IDH3G: variants seen among roughly 807,000 people sequenced by gnomAD.
The protein encoded by IDH3G is isocitrate dehydrogenase (NAD(+)) 3 non-catalytic subunit gamma.
A neutral mutation model predicts 26.9 loss-of-function variants in IDH3G; 9 were observed. That is an observed-to-expected ratio of 0.34 (90% CI 0.20 to 0.58). The LOEUF is 0.58. Ranked by LOEUF, IDH3G falls within the 20% of genes least tolerant of loss-of-function variation. The probability of loss-of-function intolerance (pLI) is 0.85; values close to 1 mark genes in which losing one functional copy is unlikely to be tolerated. For synonymous variants in IDH3G, 181 were observed against 160.0 expected, an observed-to-expected ratio of 1.13 and a Z score of -0.99; for missense variants, 250 against 372.8, an observed-to-expected ratio of 0.67 and a Z score of 2.71.
chrX:153,790,787 C>G lies in IDH3G; in HGVS notation c.123+23G>C, dbSNP rs370204315. ...GCGGCCACATGGAGAAAGACACATG[C>G]GTGGGCACGGGCAGGTACTTACTGA... On this transcript the variant is annotated intron_variant, in intron 2 of 12. Coordinates refer to ENST00000217901, the MANE Select transcript of IDH3G (RefSeq NM_004135.4). 5.8e-6 allele frequency: 7 copies of G among 1,204,628 alleles called. No homozygotes were observed. The African/African-American group carries it at 1.0e-4, about 18-fold the overall frequency.
Position 153,790,594 on chromosome X carries a change from G to A in IDH3G, c.124-19C>T, listed in dbSNP as rs1190424536. On this transcript the variant is annotated intron_variant, in intron 2 of 12. Transcript: ENST00000217901. ...TTTGTTCCTAGAAAGGATGAGAAAG[G>A]AAGAAGACACAATCAGCCAAGGTTC... 1.7e-6 allele frequency: 2 copies of A among 1,205,309 alleles called. No homozygotes were observed. Among genetic ancestry groups the A allele is most frequent in the African/African-American group, 3.5e-5 (2 of 57,338 alleles).
Position 153,790,566 on chromosome X carries a change from T to C in IDH3G, c.133A>G (p.Ile45Val), listed in dbSNP as rs1557070241. 8.3e-7 allele frequency: 1 copy of C among 1,207,363 alleles called. No individual in the cohort carries two copies. The highest frequency in any genetic ancestry group is 1.1e-6 in the Non-Finnish European group (1 of 892,486). ...AACAGGCAGAGAAGAATACTCACAA[T>C]TGTTTGTTCCTAGAAAGGATGAGAA... is the stretch of plus-strand genomic sequence containing the variant. ...PSRNIFSEQT[I>V]PPSAKYGGRH... Residue 45 changes from isoleucine to valine, a missense_variant and splice_region_variant, in exon 3 of 13, where the codon ATT becomes GTT. Around this residue, in one of 2 missense-constraint regions of IDH3G, gnomAD observed 49 missense variants for 41.5 expected, o/e 1.18. Transcript: ENST00000217901.
chrX:153,788,678 C>G (rs149216633), intron 5 of IDH3G, among the ~76,000 whole-genome samples: 1 of 112,994 alleles, frequency 8.9e-6, no homozygotes. Context: ...AAGCAGAGGC[C>G]GCCTGCTGGT....
intron 1 of IDH3G, chrX:153,791,451 GGAAGGTT>G (rs2092109398): frequency 8.9e-6 from 1 of 112,783 alleles, no homozygotes; most frequent in Admixed American, 9.3e-5. Flanking sequence ...AGCCATTTCT[GGAAGGTT>G]GATAACAGAA....
intron 10 of IDH3G, 113 bp from the exon 11 acceptor site, chrX:153,786,562 G>T: frequency 1.5e-6 from 1 of 664,287 alleles, no homozygotes. Context: ...AAGCCCACCA[G>T]CGGGTGCCAG....
At chrX:153,794,201 C>G in intron 1 of IDH3G, 45 bp downstream of exon 1, 3 of 1,143,874 alleles carry the variant, frequency 2.6e-6, no homozygotes, top group Non-Finnish European at 3.5e-6. Context: ...CCCCACCGCT[C>G]CCCTGCGACC....
Position 153,790,233 on chromosome X carries a change from G to T in IDH3G, c.195C>A (p.Ile65=), listed in dbSNP as rs368952926. The part of the protein sequence containing the change: ...HTVTMIPGDG[I]GPELMLHVKS... ...TGACATGCAGCATGAGCTCTGGCCC[G>T]ATGCCATCCCCTGGGATCATGGTCA... Residue 65 remains isoleucine (I), a synonymous_variant, in exon 4 of 13, where the codon ATC becomes ATA. Transcript: ENST00000217901. The T allele has an allele frequency of 1.2e-5, 14 of 1,209,803 alleles. No individual in the cohort carries two copies. The highest frequency in any genetic ancestry group is 1.6e-5 in the Non-Finnish European group (14 of 894,359).
Position 153,786,397 on chromosome X carries a change from G to A in IDH3G, c.977C>T (p.Thr326Met), listed in dbSNP as rs782218002. 3.3e-6 allele frequency: 4 copies of A among 1,206,440 alleles called. No homozygotes were observed. The highest frequency in any genetic ancestry group is 3.4e-6 in the Non-Finnish European group (3 of 892,512). ...SIANKNIANP[T>M]ATLLASCMML... is the part of the protein sequence containing the mutation. The stretch of plus-strand genomic sequence containing the variant: ...CATGCAGCTGGCCAGCAGGGTGGCC[G>A]TGGGGTTGGCGATGTTCTTATTGGC... The change falls in exon 11 of 13, where the codon ACG becomes ATG. Residue 326 changes from threonine (T) to methionine (M), a missense_variant. Physicochemically the swap from Thr to Met is moderately conservative, Grantham distance 81. This residue lies in a region of IDH3G where 201 missense variants were observed against 331.3 expected (regional missense o/e 0.61). Transcript: ENST00000217901.
At chrX:153,792,058 C>G (rs1026813359) in intron 1 of IDH3G, among the ~76,000 whole-genome samples, 6 of 112,290 alleles carry the variant, frequency 5.3e-5, no homozygotes, top group Admixed American at 4.7e-4. Flanking sequence ...ACGCAGAAAG[C>G]GGCTTCGATG....
At chrX:153,790,506 G>T in intron 3 of IDH3G, 58 bp downstream of exon 3, 10 of 1,109,854 alleles carry the variant, frequency 9.0e-6, no homozygotes, top group African/African-American at 3.6e-5. Flanking sequence ...CTGGAATTTA[G>T]TTAACCCCAA....
chrX:153,790,633 G>A (rs1557070263), intron 2 of IDH3G, 58 bp from the exon 3 acceptor site: 28 of 1,160,659 alleles, frequency 2.4e-5, no homozygotes, highest in South Asian at 3.6e-5. Flanking sequence ...GAGCAAGGCC[G>A]TGACCAGGAA....
intron 10 of IDH3G, 40 bp downstream of exon 10, chrX:153,786,761 G>A (rs781898845): frequency 6.8e-5 from 81 of 1,184,014 alleles, no homozygotes; most frequent in Non-Finnish European, 9.3e-5. Context: ...CTGTGAACAG[G>A]AGAAAGGCGG....
intron 1 of IDH3G, among the ~76,000 whole-genome samples, chrX:153,791,682 C>T (rs985900001): frequency 4.4e-5 from 5 of 112,536 alleles, no homozygotes; most frequent in African/African-American, 1.6e-4. Context: ...GATGCCCTGC[C>T]ACTTGACCAC....
chrX:153,787,005 G>A, intron 9 of IDH3G, 46 bp downstream of exon 9: 3 of 1,196,491 alleles, frequency 2.5e-6, no homozygotes, highest in Non-Finnish European at 3.4e-6. Context: ...GGTGAGAGAA[G>A]CCCAGGGCAC....
Position 153,788,586 on chromosome X carries a change from G to A in IDH3G, c.347-451C>T, listed in dbSNP as rs367661406. 4.4e-5 allele frequency among the ~76,000 whole-genome samples: 5 copies of A among 112,988 alleles called. No individual in the cohort carries two copies. In the East Asian group the frequency reaches 1.1e-3, roughly 25 times the overall value. ...GCCTGGAGAAGGCCACGGATTGGCC[G>A]GACCCTACCCTACGACCCAGGACAC... On this transcript the variant is annotated intron_variant, in intron 5 of 12. Transcript: ENST00000217901.
Position 153,794,327 on chromosome X carries a change from G to A in IDH3G, c.-1C>T. On this transcript the variant is annotated 5_prime_UTR_variant, in exon 1 of 13. Transcript: ENST00000217901. ...CGACGGTCGCTACCTTCAGCGCCAT[G>A]ACGGAAAGTGAGAGCCTCCGCACGT... The A allele has an allele frequency of 8.4e-7, 1 of 1,195,955 alleles. No individual in the cohort carries two copies. The highest frequency in any genetic ancestry group is 1.1e-6 in the Non-Finnish European group (1 of 888,884).
intron 1 of IDH3G, 172 bp from the exon 2 acceptor site, chrX:153,791,023 G>GGCC: frequency 2.3e-6 from 1 of 426,344 alleles, no homozygotes; most frequent in Non-Finnish European, 4.1e-6. Context: ...CCCCAGGGCC[G>GGCC]GCCCGCTGGA....
intron 5 of IDH3G, 111 bp downstream of exon 5, chrX:153,789,601 G>A: frequency 2.0e-6 from 1 of 507,972 alleles, no homozygotes; most frequent in Non-Finnish European, 3.4e-6. Context: ...AAGAAAGCAG[G>A]AAAGCAAGCA....
rs1012520220 is a variant in IDH3G, at chrX:153,787,815, A to G, written c.540+8T>C. On this transcript the variant is annotated splice_region_variant and intron_variant, in intron 7 of 12. Coordinates refer to ENST00000217901, the MANE Select transcript of IDH3G (RefSeq NM_004135.4). ...TGGGGGGGCTCATCTCGGGCCCCCC[A>G]TGCACACCTCATGCTCCAGGCTGCT... 2.5e-6 allele frequency: 3 copies of G among 1,203,359 alleles called. No individual in the cohort carries two copies. Among genetic ancestry groups the G allele is most frequent in the Non-Finnish European group, 2.2e-6 (2 of 889,732 alleles).
Sources: gnomAD v4.1 joint callset for allele counts (sites outside exome capture counted in the v4.1 genomes callset) on GRCh38, gnomAD v4.1.1 for gene constraint, gnomAD v4.1.1 regional missense constraint, MANE v1.5 for transcripts, NCBI Gene and HGNC (gene_info 2026-07-23, HGNC 2026-07-21) for gene names.